The following LARGE1 variants were observed in gnomAD, a reference collection of about 807,000 sequenced individuals.
LARGE1 encodes LARGE xylosyl- and glucuronyltransferase 1.
LARGE1 carries 43 observed loss-of-function variants against 87.6 expected under a neutral mutation model. That is an observed-to-expected ratio of 0.49 (90% CI 0.38 to 0.63). LARGE1 has a LOEUF of 0.63. LARGE1 is among the 30% of genes least tolerant of loss of function. The pLI is 0.00. For missense variants in LARGE1, 802 were observed against 1,000.2 expected (o/e 0.80, Z 2.67); for synonymous variants, 434 against 394.6 (o/e 1.10, Z -1.18).
intron 2 of LARGE1, among the ~76,000 whole-genome samples, chr22:33,691,192 C>T (rs950009230): frequency 2.0e-5 from 3 of 152,010 alleles, no homozygotes; most frequent in Non-Finnish European, 2.9e-5. Context: ...TTCCAAAGTC[C>T]AGCCACGCTC....
intron 2 of LARGE1, among the ~76,000 whole-genome samples, chr22:33,693,587 G>A (rs780156650): frequency 6.6e-6 from 1 of 152,114 alleles, no homozygotes; most frequent in Middle Eastern, 3.2e-3. Flanking sequence ...GCCTTCGGGA[G>A]GCCGAGGCGG....
At chr22:33,804,280 T>C (rs183594664) in intron 1 of LARGE1, among the ~76,000 whole-genome samples, 16 of 152,318 alleles carry the variant, frequency 1.1e-4, no homozygotes, top group East Asian at 9.7e-4. Context: ...ATCTCCAACA[T>C]TGAACGCAGA....
intron 6 of LARGE1, among the ~76,000 whole-genome samples, chr22:33,530,287 G>C (rs945702021): frequency 2.0e-5 from 3 of 152,174 alleles, no homozygotes; most frequent in African/African-American, 4.8e-5. Context: ...GAAAGAATCA[G>C]GGGCCTTGGA....
chr22:33,181,827 C>CTT lies in LARGE1; in HGVS notation c.1731-14997_1731-14996dup, dbSNP rs56347007. Among the ~76,000 whole-genome samples the CTT allele has an allele frequency of 1.4e-3, 180 of 128,450 alleles. 4 individuals carry two copies. The highest frequency in any genetic ancestry group is 5.1e-3 in the African/African-American group (160 of 31,242). 84.3% of individuals were successfully genotyped at this position (128,450 alleles called of 152,430 possible). On this transcript the variant is annotated intron_variant, in intron 11 of 11. Coordinates refer to the LARGE1 transcript ENST00000608642. ...ACAGGCGTGAGCCAGTATGCCTGGCCTTTTTTTTTTTTTTTTTTTTTTACA... is the reference window on the plus strand; with the variant it reads ...ACAGGCGTGAGCCAGTATGCCTGGCCTTTTTTTTTTTTTTTTTTTTTTTTACA...
At chr22:33,907,835 G>A (rs2065501959) in intron 1 of LARGE1, among the ~76,000 whole-genome samples, 1 of 152,062 alleles carries the variant, frequency 6.6e-6, no homozygotes, top group East Asian at 1.9e-4. Context: ...CTGACCTCGT[G>A]ATCCACCCGC....
At chr22:33,719,535 T>TTTATTTATTTA (rs1569402018) in intron 2 of LARGE1, among the ~76,000 whole-genome samples, 1 of 101,926 alleles carries the variant, frequency 9.8e-6, no homozygotes, top group African/African-American at 3.9e-5. Flanking sequence ...TTATTTATTT[T>TTTATTTATTTA]TTTGAGACAG....
intron 1 of LARGE1, among the ~76,000 whole-genome samples, chr22:33,881,207 G>A (rs1204421652): frequency 6.6e-6 from 1 of 152,034 alleles, no homozygotes; most frequent in African/African-American, 2.4e-5. Context: ...AGCCCCCCGG[G>A]GCCGAAAAAG....
At chr22:33,654,018 T>C (rs2080892216) in intron 2 of LARGE1, among the ~76,000 whole-genome samples, 1 of 152,172 alleles carries the variant, frequency 6.6e-6, no homozygotes, top group Non-Finnish European at 1.5e-5. Flanking sequence ...ATTATGATTG[T>C]CTGATTGTGG....
chr22:33,705,586 C>T (rs1016080763), intron 2 of LARGE1, among the ~76,000 whole-genome samples: 5 of 152,204 alleles, frequency 3.3e-5, no homozygotes, highest in African/African-American at 9.7e-5. Context: ...GAAAGCAAAG[C>T]GACTTGTCCA....
chr22:33,722,364 A>AG (rs2083134947), intron 2 of LARGE1, among the ~76,000 whole-genome samples: 1 of 141,640 alleles, frequency 7.1e-6, no homozygotes, highest in Non-Finnish European at 1.5e-5. Context: ...AGGGAGAGAG[A>AG]AGAAAGGAAA....
At chr22:33,304,641 C>T (rs1934626818) in intron 11 of LARGE1, 134 bp from the exon 12 acceptor site, 1 of 923,830 alleles carries the variant, frequency 1.1e-6, no homozygotes, top group East Asian at 2.7e-5. Context: ...TCAACGTTGA[C>T]TCACTCAGTT....
In LARGE1 at chr22:33,341,824, A is replaced by C. The variant is rs374032089; in HGVS notation, c.1132-4023T>G. Reference sequence around the variant, plus strand: ...GGATCAGCAAGTAGGTAAGAGGGTTAAACAAATGCCTAGCTCAGTGCTTCC... The same window carrying C: ...GGATCAGCAAGTAGGTAAGAGGGTTCAACAAATGCCTAGCTCAGTGCTTCC... On this transcript the variant is annotated intron_variant, in intron 9 of 14. Transcript: ENST00000397394. Among the ~76,000 whole-genome samples, 138 of 152,302 alleles carry C rather than the reference A, an allele frequency of 9.1e-4. No homozygotes were observed. The South Asian group carries it at 0.027, about 29-fold the overall frequency.
chr22:33,607,461 C>CAAAAAAAAAAAAA (rs1217376084), intron 4 of LARGE1, among the ~76,000 whole-genome samples: 6 of 58,026 alleles, frequency 1.0e-4, no homozygotes, highest in Admixed American at 2.2e-4. Flanking sequence ...AACTGCATCT[C>CAAAAAAAAAAAAA]AAAAAAAAAA....
chr22:33,757,879 G>T (rs2084578789), intron 2 of LARGE1, among the ~76,000 whole-genome samples: 1 of 152,140 alleles, frequency 6.6e-6, no homozygotes, highest in African/African-American at 2.4e-5. Context: ...CAACCAGCAG[G>T]GAGCTTCATG....
intron 2 of LARGE1, among the ~76,000 whole-genome samples, chr22:33,653,111 G>A (rs2080867992): frequency 6.6e-6 from 1 of 152,148 alleles, no homozygotes; most frequent in Admixed American, 6.5e-5. Flanking sequence ...AACCAACATC[G>A]ACCCTTTGAG....
At chr22:33,705,393 T>C (rs1471844493) in intron 2 of LARGE1, among the ~76,000 whole-genome samples, 1 of 152,218 alleles carries the variant, frequency 6.6e-6, no homozygotes, top group East Asian at 1.9e-4. Flanking sequence ...GCACAATTTA[T>C]GGTTCTTGTG....
Position 33,168,467 on chromosome 22 carries a change from T to C in LARGE1, c.1731-1635A>G, listed in dbSNP as rs11912582. Among the ~76,000 whole-genome samples, 1,233 of 152,346 alleles carry C rather than the reference T, an allele frequency of 8.1e-3. 53 individuals are homozygous for C. The South Asian group carries it at 0.12, about 15-fold the overall frequency. ...ACCATTTTCAGTACCAGAAGTCAAA[T>C]GCAGATCAAAAAGTCTAGAATTGGA... On this transcript the variant is annotated intron_variant, in intron 11 of 11. Transcript: ENST00000608642.
intron 11 of LARGE1, among the ~76,000 whole-genome samples, chr22:33,219,766 T>A (rs1342620429): frequency 1.3e-5 from 2 of 152,152 alleles, no homozygotes; most frequent in East Asian, 3.9e-4. Flanking sequence ...AGCCTCACTT[T>A]GAAGCTGCCA....
chr22:33,456,716 G>C (rs1436133858), intron 6 of LARGE1, among the ~76,000 whole-genome samples: 1 of 152,160 alleles, frequency 6.6e-6, no homozygotes, highest in African/African-American at 2.4e-5. Flanking sequence ...TTAGGTGTAA[G>C]TCTCCTCATG....
Sources: allele counts gnomAD v4.1 joint callset (sites outside exome capture counted in the v4.1 genomes callset), GRCh38; gene constraint gnomAD v4.1.1; transcripts MANE v1.5; gene names NCBI Gene and HGNC (gene_info 2026-07-23, HGNC 2026-07-21).